TXLNB: variants seen among roughly 807,000 people sequenced by gnomAD.
TXLNB encodes the protein taxilin beta, also known as beta-taxilin.
Under a neutral mutation model 57.4 loss-of-function variants are expected in TXLNB, and 37 were observed. The ratio of observed to expected loss-of-function variants is 0.64; its 90% CI spans 0.50 to 0.85. The LOEUF (loss-of-function observed/expected upper bound fraction) is 0.85, where lower values mean the gene tolerates loss of function less well. Ranked by LOEUF, TXLNB falls within the 40% of genes least tolerant of loss-of-function variation. TXLNB has a pLI of 0.00. For synonymous variants in TXLNB, 302 were observed against 309.6 expected (o/e 0.98, Z 0.26); for missense variants, 848 against 825.6 (o/e 1.03, Z -0.33).
At chr6:139,297,885 G>A in the TXLNB span, among the ~76,000 whole-genome samples, 6 of 152,090 alleles carry the variant, frequency 3.9e-5, no homozygotes, top group Non-Finnish European at 8.8e-5. Flanking sequence ...CTTGACCTAG[G>A]CTAGATCTGG....
the TXLNB span, among the ~76,000 whole-genome samples, chr6:139,206,093 G>A: frequency 6.6e-6 from 1 of 152,144 alleles, no homozygotes; most frequent in Non-Finnish European, 1.5e-5. Flanking sequence ...GTAAATGAAG[G>A]AGAGATAAAG....
the TXLNB span, among the ~76,000 whole-genome samples, chr6:139,227,086 T>TA: frequency 6.6e-6 from 1 of 151,952 alleles, no homozygotes; most frequent in African/African-American, 2.4e-5. Context: ...CTCATGCCTG[T>TA]AATCCCAGTA....
the TXLNB span, among the ~76,000 whole-genome samples, chr6:139,213,856 G>A: frequency 1.3e-5 from 2 of 152,058 alleles, no homozygotes; most frequent in African/African-American, 4.8e-5. Flanking sequence ...ACACCTCTAC[G>A]CAAATAAACT....
Position 139,262,656 on chromosome 6 carries a change from T to C in TXLNB, c.805A>G (p.Met269Val), listed in dbSNP as rs536802701. 5 of 1,614,124 alleles carry C rather than the reference T, an allele frequency of 3.1e-6. No individual in the cohort carries two copies. The South Asian group carries it at 3.3e-5, about 11-fold the overall frequency. ...TCTGTGTTCTCCTGACAGAGCTTCA[T>C]ATTTCGCTCACTCTGCTGCTCGATC... ...GQIEQQSERNMKLCQENTELA... is the reference protein window; with the variant it reads ...GQIEQQSERNVKLCQENTELA... Residue 269 changes from methionine to valine, a missense_variant, in exon 5 of 10, where the codon ATG (methionine) becomes GTG (valine). Coordinates refer to ENST00000358430, the MANE Select transcript of TXLNB (RefSeq NM_153235.4).
the TXLNB span, among the ~76,000 whole-genome samples, chr6:139,233,336 G>C: frequency 1.6e-3 from 239 of 147,080 alleles, no homozygotes; most frequent in African/African-American, 5.7e-3. Flanking sequence ...ATAAGAGACT[G>C]CCTTTACTAT....
At chr6:139,287,701 A>G (rs1384787011) in intron 2 of TXLNB, among the ~76,000 whole-genome samples, 1 of 152,250 alleles carries the variant, frequency 6.6e-6, no homozygotes, top group African/African-American at 2.4e-5. Context: ...AGGAAAGACA[A>G]GCAGAGGGAC....
At chr6:139,301,311 T>A in the TXLNB span, among the ~76,000 whole-genome samples, 1 of 152,134 alleles carries the variant, frequency 6.6e-6, no homozygotes, top group African/African-American at 2.4e-5. Flanking sequence ...TTCTTGGGTA[T>A]CTGTATAGTG....
chr6:139,191,419 C>CA, the TXLNB span, among the ~76,000 whole-genome samples: 39 of 151,488 alleles, frequency 2.6e-4, no homozygotes, highest in African/African-American at 7.5e-4. Context: ...AACTCTGTCT[C>CA]AAAAAAAATA....
chr6:139,232,740 C>A, the TXLNB span, among the ~76,000 whole-genome samples: 4 of 152,192 alleles, frequency 2.6e-5, no homozygotes, highest in Non-Finnish European at 5.9e-5. Context: ...AGAACCCTGA[C>A]CTTTAGCCAA....
the TXLNB span, among the ~76,000 whole-genome samples, chr6:139,214,169 C>G: frequency 6.6e-6 from 1 of 151,938 alleles, no homozygotes; most frequent in African/African-American, 2.4e-5. Flanking sequence ...GGCAGAGACA[C>G]AACAAAAAAA....
At chr6:139,301,198 T>C in the TXLNB span, among the ~76,000 whole-genome samples, 2 of 152,140 alleles carry the variant, frequency 1.3e-5, no homozygotes, top group African/African-American at 4.8e-5. Flanking sequence ...GGCGAAATCA[T>C]GGTCTCTGTG....
chr6:139,238,776 T>G (rs1775864870), downstream of TXLNB, among the ~76,000 whole-genome samples: 2 of 152,232 alleles, frequency 1.3e-5, no homozygotes, highest in African/African-American at 4.8e-5. Context: ...TGCCACTTTA[T>G]GATGAGAATG....
chr6:139,188,520 A>T, the TXLNB span, among the ~76,000 whole-genome samples: 89,596 of 151,888 alleles, frequency 0.59, 27,476 homozygotes, highest in Non-Finnish European at 0.63. Context: ...GATTATTTTT[A>T]AAAAATCTAA....
intron 3 of TXLNB, among the ~76,000 whole-genome samples, chr6:139,271,175 A>C (rs557099701): frequency 6.6e-6 from 1 of 152,330 alleles, no homozygotes; most frequent in South Asian, 2.1e-4. Flanking sequence ...TGTGTGGGAA[A>C]GGAGAAGAGA....
At chr6:139,198,971 C>CTT in the TXLNB span, among the ~76,000 whole-genome samples, 6,682 of 144,428 alleles carry the variant, frequency 0.046, 176 homozygotes, top group Middle Eastern at 0.058. Context: ...TTCTTTCTTC[C>CTT]TTTTTTTTTT....
the TXLNB span, chr6:139,197,935 T>A: frequency 2.5e-4 from 38 of 152,280 alleles, no homozygotes; most frequent in Admixed American, 2.4e-3. Flanking sequence ...ATGGCATTAA[T>A]CCCACCCATG....
the TXLNB span, among the ~76,000 whole-genome samples, chr6:139,306,987 A>G: frequency 6.6e-6 from 1 of 152,312 alleles, no homozygotes; most frequent in East Asian, 1.9e-4. Flanking sequence ...TAAGGATTTC[A>G]CTAGTATCTC....
chr6:139,163,738 TCTC>T, the TXLNB span, among the ~76,000 whole-genome samples: 45 of 152,296 alleles, frequency 3.0e-4, no homozygotes, highest in African/African-American at 1.1e-3. Context: ...AGGGGAATCT[TCTC>T]CTCCAGCCTT....
chr6:139,248,204 C>A (rs889771093), intron 7 of TXLNB, among the ~76,000 whole-genome samples: 2 of 149,858 alleles, frequency 1.3e-5, no homozygotes, highest in Non-Finnish European at 2.9e-5. Flanking sequence ...ACCTGGGAGG[C>A]GGAGCTTGCA....
Sources: gnomAD v4.1 joint callset for allele counts (sites outside exome capture counted in the v4.1 genomes callset) on GRCh38, gnomAD v4.1.1 for gene constraint, MANE v1.5 for transcripts, NCBI Gene and HGNC (gene_info 2026-07-23, HGNC 2026-07-21) for gene names.